Variants in MROH2A observed in about 807,000 individuals in gnomAD.
MROH2A encodes maestro heat-like repeat-containing protein family member 2A.
MROH2A carries 174 observed loss-of-function variants against 200.4 expected under a neutral mutation model. The observed-to-expected ratio is 0.87, with a 90% CI of 0.77 to 0.98. The LOEUF is 0.98. MROH2A is among the 50% of genes least tolerant of loss of function. The probability of loss-of-function intolerance (pLI) is 0.00; values close to 1 mark genes in which losing one functional copy is unlikely to be tolerated. For synonymous variants in MROH2A, 829 were observed against 840.4 expected (o/e 0.99, Z 0.23); for missense variants, 2,045 against 2,139.6 (o/e 0.96, Z 0.87).
intron 22 of MROH2A, 77 bp downstream of exon 22, chr2:233,809,355 TCCTGCATC>T: frequency 6.8e-7 from 1 of 1,467,216 alleles, no homozygotes; most frequent in Non-Finnish European, 9.3e-7. Context: ...CTCTCTGGGC[TCCTGCATC>T]CCTACCCAGG....
At chr2:233,783,065 C>T (rs1204768737) in intron 3 of MROH2A, among the ~76,000 whole-genome samples, 1 of 152,114 alleles carries the variant, frequency 6.6e-6, no homozygotes, top group Non-Finnish European at 1.5e-5. Flanking sequence ...TGGGATGAAT[C>T]CCACTTGATC....
intron 26 of MROH2A, among the ~76,000 whole-genome samples, chr2:233,815,458 C>G (rs1205367330): frequency 6.6e-6 from 1 of 152,116 alleles, no homozygotes; most frequent in Non-Finnish European, 1.5e-5. Flanking sequence ...CTTTTGGTGT[C>G]AAATCTAAGA....
rs889345395 is a variant in MROH2A, at chr2:233,796,302, T to C, written c.1241T>C (p.Val414Ala). 1.3e-5 allele frequency: 15 copies of C among 1,163,398 alleles called. No homozygotes were observed. In the African/African-American group the frequency reaches 2.9e-4, roughly 22 times the overall value. 72.1% of individuals were successfully genotyped at this position (1,163,398 alleles called of 1,614,324 possible). The part of the protein sequence containing the change: ...VGTLNLIRAI[V>A]SADEPRMSIR... Reference sequence around the variant, plus strand: ...ACTCTGAATCTGATTAGGGCTATAGTGAGCGCAGATGGTGAGCAAGGCAGG... The same window carrying C: ...ACTCTGAATCTGATTAGGGCTATAGCGAGCGCAGATGGTGAGCAAGGCAGG... Residue 414 changes from valine (V) to alanine (A), a missense_variant, in exon 11 of 42, where the codon GTG (valine) becomes GCG (alanine). Around this residue, in one of 3 missense-constraint regions of MROH2A, gnomAD observed 831 missense variants for 800.0 expected, o/e 1.04. Transcript: ENST00000389758.
chr2:233,815,845 CTTT>C (rs5839494), intron 26 of MROH2A, among the ~76,000 whole-genome samples: 9,478 of 129,172 alleles, frequency 0.073, 466 homozygotes, highest in African/African-American at 0.16. Flanking sequence ...TTAGATTTTG[CTTT>C]TTTTTTTTTT....
At chr2:233,798,876 G>T in intron 12 of MROH2A, 26 bp downstream of exon 12, 1 of 1,538,412 alleles carries the variant, frequency 6.5e-7, no homozygotes, top group Non-Finnish European at 8.8e-7. Flanking sequence ...CCTGGAAATG[G>T]GGGGCACTCA....
chr2:233,820,107 C>T lies in MROH2A; in HGVS notation c.3512+51C>T. The stretch of plus-strand genomic sequence containing the variant: ...CGGCCTCCTGTGCCATTTGACCATG[C>T]CCAACTCACCACCCCGATGTGTCCC... On this transcript the variant is annotated intron_variant, in intron 31 of 41. Coordinates refer to ENST00000389758, the MANE Select transcript of MROH2A (RefSeq NM_001394639.1). The surrounding 1 kb of genome is among the most constrained non-coding windows in gnomAD (Gnocchi z 4.1). The T allele has an allele frequency of 7.0e-7, 1 of 1,434,890 alleles. No individual in the cohort carries two copies. The highest frequency in any genetic ancestry group is 9.3e-7 in the Non-Finnish European group (1 of 1,076,606). 88.9% of individuals were successfully genotyped at this position (1,434,890 alleles called of 1,614,324 possible). A position where few individuals can be genotyped will look rare whatever the true frequency, so the allele number is the denominator to read the frequency against.
chr2:233,821,072 C>G (rs1022407419), intron 31 of MROH2A, among the ~76,000 whole-genome samples: 3 of 152,224 alleles, frequency 2.0e-5, no homozygotes, highest in African/African-American at 7.2e-5. Flanking sequence ...TTTGCTATTG[C>G]TGAATAACAA....
At position 233,779,337 on chromosome 2, in the gene MROH2A, C is replaced by A; in HGVS notation, c.-14-8C>A. 1 of 1,515,062 alleles carries A rather than the reference C, an allele frequency of 6.6e-7. No individual in the cohort carries two copies. The highest frequency in any genetic ancestry group is 2.0e-5 in the Admixed American group (1 of 50,946). The allele number at this position is 1,515,062 out of a possible 1,614,324, so 93.9% of individuals were successfully genotyped here. ...CCCGTATTTTACAAATTCTGTTGAT[C>A]TCAAAAGAGCTTGAGGAAGAGATGA... On this transcript the variant is annotated splice_region_variant and splice_polypyrimidine_tract_variant and intron_variant, in intron 1 of 41. Coordinates refer to ENST00000389758, the MANE Select transcript of MROH2A (RefSeq NM_001394639.1).
intron 26 of MROH2A, among the ~76,000 whole-genome samples, chr2:233,814,904 T>C (rs972019682): frequency 6.6e-6 from 1 of 152,284 alleles, no homozygotes; most frequent in Admixed American, 6.5e-5. Flanking sequence ...TCGGTTTTCT[T>C]CTGCCTCTGT....
rs576654402 is a variant in MROH2A, at chr2:233,811,455, C to T, written c.2572-425C>T. On this transcript the variant is annotated intron_variant, in intron 23 of 41. Transcript: ENST00000389758. ...TGCTTGGGTTGTGCTGGAAGTGGCC[C>T]TTAAGGGACATGAGATTGGGTGGAA... 2.0e-5 allele frequency among the ~76,000 whole-genome samples: 3 copies of T among 152,298 alleles called. No homozygotes were observed. In the South Asian group the frequency reaches 6.2e-4, roughly 32 times the overall value.
rs556258066 is a variant in MROH2A, at chr2:233,821,985, C to T, written c.3513-139C>T. 3.5e-5 allele frequency: 36 copies of T among 1,028,738 alleles called. No homozygotes were observed. The South Asian group carries it at 5.5e-4, about 16-fold the overall frequency. The allele number at this position is 1,028,738 out of a possible 1,614,324, so 63.7% of individuals were successfully genotyped here. A position where few individuals can be genotyped will look rare whatever the true frequency, so the allele number is the denominator to read the frequency against. On this transcript the variant is annotated intron_variant, in intron 31 of 41. Transcript: ENST00000389758. ...TGGGTTCTAAGCACGCAAATTTTGG[C>T]GGCTCCCTCCGCCTCCCTGAGATTC... is the stretch of plus-strand genomic sequence containing the variant.
chr2:233,822,950 C>G lies in MROH2A; in HGVS notation c.3936C>G (p.Asp1312Glu), dbSNP rs965636151. 1.3e-6 allele frequency: 2 copies of G among 1,550,612 alleles called. No homozygotes were observed. The highest frequency in any genetic ancestry group is 1.7e-6 in the Non-Finnish European group (2 of 1,146,974). Residue 1312 changes from aspartate to glutamate, a missense_variant, in exon 34 of 42, where the codon GAC (aspartate) becomes GAG (glutamate). Asp to Glu is a conservative substitution (Grantham distance 45). Coordinates refer to ENST00000389758, the MANE Select transcript of MROH2A (RefSeq NM_001394639.1). Reference protein sequence around the residue: ...VKSQHLAHTLDEQAVWDLLQD... With the variant: ...VKSQHLAHTLEEQAVWDLLQD... ...GCCAGCACCTGGCACATACCCTGGA[C>G]GAGCAGGCAGTGTGGGACCTCCTGC...
In MROH2A at chr2:233,818,098, G is replaced by A. The variant is rs1209727844; in HGVS notation, c.3058G>A (p.Val1020Ile). 109 of 1,550,748 alleles carry A rather than the reference G, an allele frequency of 7.0e-5. No individual in the cohort carries two copies. The highest frequency in any genetic ancestry group is 9.1e-5 in the Non-Finnish European group (104 of 1,147,074). The stretch of plus-strand genomic sequence containing the variant: ...AAGAACCCGCATGGCCTCAATGAAT[G>A]TCCTGTCCAGCCTGCTAGATCTTCA... Reference protein sequence around the residue: ...HQRTRMASMNVLSSLLDLHAS... With the variant: ...HQRTRMASMNILSSLLDLHAS... The change falls in exon 28 of 42, where the codon GTC (valine) becomes ATC (isoleucine). Residue 1020 changes from valine to isoleucine, a missense_variant. Physicochemically the swap from Val to Ile is conservative, Grantham distance 29. Around this residue, in one of 3 missense-constraint regions of MROH2A, gnomAD observed 1,201 missense variants for 1,311.3 expected, o/e 0.92. Coordinates refer to ENST00000389758, the MANE Select transcript of MROH2A (RefSeq NM_001394639.1).
chr2:233,823,711 G>C, intron 35 of MROH2A, 47 bp downstream of exon 35: 1 of 1,537,128 alleles, frequency 6.5e-7, no homozygotes, highest in Non-Finnish European at 8.8e-7. Flanking sequence ...CGGAGGGGAT[G>C]GGGTCCCTGG....
rs769778334 is a variant in MROH2A, at chr2:233,828,750, G to A, written c.4234G>A (p.Gly1412Ser). 3.2e-5 allele frequency: 49 copies of A among 1,550,304 alleles called. No individual in the cohort carries two copies. In the African/African-American group the frequency reaches 4.2e-4, roughly 13 times the overall value. ...GCGGGTGCTGTCCCTGCGCGCCCTC[G>A]GCAACATGGCCCTGGGCGCCCCCAA... ...ALRVLSLRAL[G>S]NMALGAPKKV... The change falls in exon 36 of 42, where the codon GGC (glycine) becomes AGC (serine). Residue 1412 changes from glycine (G) to serine (S), a missense_variant. Gly to Ser is a moderately conservative substitution (Grantham distance 56, BLOSUM62 0). Transcript: ENST00000389758. This position sits in a 1 kb window ranked among gnomAD's most constrained non-coding sequence, Gnocchi z 4.6.
At chr2:233,829,829 G>A in intron 38 of MROH2A, 54 bp downstream of exon 38, 2 of 1,279,494 alleles carry the variant, frequency 1.6e-6, no homozygotes, top group Non-Finnish European at 2.0e-6. Flanking sequence ...GTTCCCCGAG[G>A]AAACAGGTCC....
At chr2:233,778,960 G>A (rs748219929) in intron 1 of MROH2A, among the ~76,000 whole-genome samples, 2 of 152,190 alleles carry the variant, frequency 1.3e-5, no homozygotes, top group Admixed American at 1.3e-4. Context: ...CCAAGCTCAT[G>A]TGCTTATTGG....
chr2:233,794,951 T>A (rs926997829), intron 8 of MROH2A, among the ~76,000 whole-genome samples: 2 of 152,158 alleles, frequency 1.3e-5, no homozygotes, highest in Non-Finnish European at 1.5e-5. Flanking sequence ...CCCCACATGT[T>A]CTGTGACTGT....
At chr2:233,792,318 T>TC (rs1404914588) in intron 5 of MROH2A, among the ~76,000 whole-genome samples, 1 of 150,738 alleles carries the variant, frequency 6.6e-6, no homozygotes, top group Non-Finnish European at 1.5e-5. Flanking sequence ...TAGCTCACTT[T>TC]TTTTTTTTTT....
Sources: gnomAD v4.1 joint callset for allele counts (sites outside exome capture counted in the v4.1 genomes callset) on GRCh38, gnomAD v4.1.1 for gene constraint, gnomAD v4.1.1 regional missense constraint, Gnocchi (gnomAD v3.1) non-coding constraint, MANE v1.5 for transcripts, NCBI Gene and HGNC (gene_info 2026-07-23, HGNC 2026-07-21) for gene names.